The following PRMT8 variants were observed in gnomAD, a reference collection of about 807,000 sequenced individuals.
PRMT8 encodes protein arginine methyltransferase 8.
PRMT8 carries 7 observed loss-of-function variants against 47.1 expected under a neutral mutation model. The ratio of observed to expected loss-of-function variants is 0.15; its 90% CI spans 0.08 to 0.28. PRMT8 has a LOEUF of 0.28. Among genes scored for constraint, PRMT8 ranks in the 10% least tolerant of loss-of-function variants. The probability of loss-of-function intolerance (pLI) is 1.00; values close to 1 mark genes in which losing one functional copy is unlikely to be tolerated. For missense variants in PRMT8, 237 were observed against 505.4 expected, an observed-to-expected ratio of 0.47 and a Z score of 5.09; for synonymous variants, 188 against 186.5, an observed-to-expected ratio of 1.01 and a Z score of -0.07.
At chr12:3,559,249 C>G (rs909432443) in intron 4 of PRMT8, among the ~76,000 whole-genome samples, 1 of 152,156 alleles carries the variant, frequency 6.6e-6, no homozygotes, top group African/African-American at 2.4e-5. Context: ...TCCCTTTTCC[C>G]GAGCCTTCTT....
chr12:3,388,162 G>T (rs1228233383), intron 1 of PRMT8, among the ~76,000 whole-genome samples: 1 of 146,738 alleles, frequency 6.8e-6, no homozygotes, highest in Middle Eastern at 3.3e-3. Context: ...AGTCATCTTT[G>T]ATTAGAATCA....
intron 4 of PRMT8, among the ~76,000 whole-genome samples, chr12:3,560,359 C>T (rs146516573): frequency 2.0e-5 from 3 of 152,332 alleles, no homozygotes; most frequent in African/African-American, 7.2e-5. Flanking sequence ...GTACAGCTCC[C>T]GTGATGGAGT....
At chr12:3,445,100 G>A (rs1864844106) in intron 1 of PRMT8, among the ~76,000 whole-genome samples, 1 of 152,264 alleles carries the variant, frequency 6.6e-6, no homozygotes, top group Non-Finnish European at 1.5e-5. Flanking sequence ...CTCTAGTATG[G>A]AGACCGCTTG....
chr12:3,562,979 C>T (rs1866661366), intron 4 of PRMT8, among the ~76,000 whole-genome samples: 1 of 152,184 alleles, frequency 6.6e-6, no homozygotes, highest in Non-Finnish European at 1.5e-5. Flanking sequence ...ATTTCAACCA[C>T]TCTACCCAGT....
intron 1 of PRMT8, among the ~76,000 whole-genome samples, chr12:3,425,005 G>A (rs1333318763): frequency 6.6e-6 from 1 of 152,192 alleles, no homozygotes; most frequent in Non-Finnish European, 1.5e-5. Context: ...AGCTGCTCCT[G>A]TCCACTTGCT....
At chr12:3,567,244 T>C (rs554424628) in intron 4 of PRMT8, among the ~76,000 whole-genome samples, 2 of 152,352 alleles carry the variant, frequency 1.3e-5, no homozygotes, top group African/African-American at 4.8e-5. Flanking sequence ...ACCCTCTAAA[T>C]TGATATTGCT....
intron 1 of PRMT8, among the ~76,000 whole-genome samples, chr12:3,423,655 T>C (rs1864567660): frequency 6.6e-6 from 1 of 152,226 alleles, no homozygotes; most frequent in Non-Finnish European, 1.5e-5. Flanking sequence ...GTAAGCTCTA[T>C]GCCCACATAT....
At chr12:3,408,522 C>T (rs1864395765) in intron 1 of PRMT8, among the ~76,000 whole-genome samples, 1 of 152,312 alleles carries the variant, frequency 6.6e-6, no homozygotes, top group Admixed American at 6.5e-5. Context: ...TAGGAGTGAA[C>T]CACTGCACCC....
At chr12:3,386,967 C>T (rs1233710152) in intron 1 of PRMT8, among the ~76,000 whole-genome samples, 1 of 152,130 alleles carries the variant, frequency 6.6e-6, no homozygotes, top group Non-Finnish European at 1.5e-5. Flanking sequence ...CTTGGCCTCC[C>T]AAAGTGCTGG....
rs1864408942 is a variant in PRMT8 at position 3,409,872 on chromosome 12, G to A, written c.48+28430G>A. Among the ~76,000 whole-genome samples the A allele has an allele frequency of 6.6e-6, 1 of 152,168 alleles. No homozygotes were observed. The highest frequency in any genetic ancestry group is 6.5e-5 in the Admixed American group (1 of 15,284). The stretch of plus-strand genomic sequence containing the variant: ...GCACCAGGGGGTGTGATTGTTCTGG[G>A]TAGCCAAGTCACTGATTCTTGATTT... On this transcript the variant is annotated intron_variant, in intron 1 of 9. Coordinates refer to the PRMT8 transcript ENST00000452611. The surrounding 1 kb of genome is among the most constrained non-coding windows in gnomAD (Gnocchi z 4.4).
chr12:3,588,843 C>T (rs897529402), intron 8 of PRMT8, among the ~76,000 whole-genome samples: 1 of 152,178 alleles, frequency 6.6e-6, no homozygotes, highest in African/African-American at 2.4e-5. Context: ...ATGGGGAAGG[C>T]TGAAAGCCAG....
At chr12:3,522,498 T>A (rs190273772) in intron 1 of PRMT8, among the ~76,000 whole-genome samples, 1 of 152,130 alleles carries the variant, frequency 6.6e-6, no homozygotes, top group East Asian at 1.9e-4. Flanking sequence ...AACACATCTC[T>A]ACTAAAAATA....
intron 1 of PRMT8, among the ~76,000 whole-genome samples, chr12:3,427,801 CT>C (rs1555078693): frequency 2.0e-5 from 3 of 152,074 alleles, no homozygotes; most frequent in Non-Finnish European, 4.4e-5. Context: ...TACCATATAA[CT>C]TTTTTTTACA....
At chr12:3,463,306 G>C (rs1188464803) in intron 1 of PRMT8, 3 of 152,198 alleles carry the variant, frequency 2.0e-5, no homozygotes, top group Non-Finnish European at 2.9e-5. Flanking sequence ...ATGGTTGATG[G>C]GGGAAAGTAT....
rs1005141774 is a variant in PRMT8 at position 3,580,551 on chromosome 12, G to A, written c.829-2507G>A. ...GACCTGTTCTGAGAAGAAGATTGAT[G>A]AGTCAACACATATTGCTGTGTATTA... is the stretch of plus-strand genomic sequence containing the variant. On this transcript the variant is annotated intron_variant, in intron 7 of 9. Coordinates refer to ENST00000382622, the MANE Select transcript of PRMT8 (RefSeq NM_019854.5). This position sits in a 1 kb window ranked among gnomAD's most constrained non-coding sequence, Gnocchi z 4.6. Among the ~76,000 whole-genome samples, 4 of 152,154 alleles carry A rather than the reference G, an allele frequency of 2.6e-5. No individual in the cohort carries two copies. Among genetic ancestry groups the A allele is most frequent in the Non-Finnish European group, 4.4e-5 (3 of 68,024 alleles).
In PRMT8 at chr12:3,425,779, G is replaced by A. The variant is rs184932820; in HGVS notation, c.48+44337G>A. On this transcript the variant is annotated intron_variant, in intron 1 of 9. Coordinates refer to the PRMT8 transcript ENST00000452611. ...TTTTTCTCCCTCTGGTTGATGAAAT[G>A]CCAGGGTGAAAGGGATAGCCAATTG... Among the ~76,000 whole-genome samples, 4 of 152,360 alleles carry A rather than the reference G, an allele frequency of 2.6e-5. No homozygotes were observed. The East Asian group carries it at 7.7e-4, about 29-fold the overall frequency.
intron 1 of PRMT8, among the ~76,000 whole-genome samples, chr12:3,399,938 G>GT (rs1417355679): frequency 1.3e-5 from 2 of 152,164 alleles, no homozygotes; most frequent in African/African-American, 4.8e-5. Context: ...TGGTTAATGA[G>GT]TAACAGTGTT....
intron 1 of PRMT8, among the ~76,000 whole-genome samples, chr12:3,384,522 A>G (rs2137042327): frequency 6.6e-6 from 1 of 152,294 alleles, no homozygotes; most frequent in South Asian, 2.1e-4. Context: ...AGGGTTGGCT[A>G]ATTCAGCATC....
intron 1 of PRMT8, among the ~76,000 whole-genome samples, chr12:3,414,009 GA>G (rs1479298178): frequency 6.6e-6 from 1 of 152,096 alleles, no homozygotes; most frequent in East Asian, 1.9e-4. Flanking sequence ...TTTATGTATC[GA>G]AAGACCAAAA....
Sources: allele counts gnomAD v4.1 joint callset (sites outside exome capture counted in the v4.1 genomes callset), GRCh38; gene constraint gnomAD v4.1.1; non-coding constraint Gnocchi (gnomAD v3.1); transcripts MANE v1.5; gene names NCBI Gene and HGNC (gene_info 2026-07-23, HGNC 2026-07-21).